The following RNLS variants were observed in gnomAD, a reference collection of about 807,000 sequenced individuals.
RNLS encodes renalase.
RNLS carries 39 observed loss-of-function variants against 39.8 expected under a neutral mutation model. That is an observed-to-expected ratio of 0.98 (90% CI 0.76 to 1.28). The LOEUF (loss-of-function observed/expected upper bound fraction) is 1.28. Among genes scored for constraint, RNLS ranks in the 50% most tolerant of loss-of-function variants. The pLI, the probability that RNLS is intolerant of heterozygous loss-of-function variation, is 0.00. For missense variants in RNLS, 410 were observed against 413.3 expected (o/e 0.99, Z 0.07); for synonymous variants, 147 against 150.7 (o/e 0.98, Z 0.18).
chr10:88,554,300 T>C (rs554692748), intron 4 of RNLS, among the ~76,000 whole-genome samples: 61 of 152,278 alleles, frequency 4.0e-4, no homozygotes, highest in African/African-American at 1.4e-3. Context: ...AAATCTTACA[T>C]GTATGCAGCG....
chr10:88,207,566 C>T, the RNLS span, among the ~76,000 whole-genome samples: 1 of 152,142 alleles, frequency 6.6e-6, no homozygotes, highest in South Asian at 2.1e-4. Context: ...GGGACTCTCA[C>T]ACATTGCTTT....
At chr10:88,413,043 G>T (rs1020356341) in intron 4 of RNLS, among the ~76,000 whole-genome samples, 2 of 152,164 alleles carry the variant, frequency 1.3e-5, no homozygotes, top group Non-Finnish European at 2.9e-5. Flanking sequence ...TCCCTTAAAA[G>T]TGGGAGAGAA....
chr10:88,346,814 G>A (rs192592669), intron 5 of RNLS, among the ~76,000 whole-genome samples: 290 of 152,276 alleles, frequency 1.9e-3, no homozygotes, highest in South Asian at 0.017. Flanking sequence ...TGTGTCACAT[G>A]TGTGATGGAT....
chr10:88,476,618 T>C (rs527898691), intron 4 of RNLS, among the ~76,000 whole-genome samples: 1 of 152,292 alleles, frequency 6.6e-6, no homozygotes, highest in South Asian at 2.1e-4. Flanking sequence ...AACAATCTTG[T>C]AATATTTCAA....
intron 5 of RNLS, among the ~76,000 whole-genome samples, chr10:88,335,627 G>A (rs1312878145): frequency 2.0e-5 from 3 of 152,132 alleles, no homozygotes; most frequent in Non-Finnish European, 4.4e-5. Flanking sequence ...AGCTATATTA[G>A]TTCATTAGAC....
intron 4 of RNLS, among the ~76,000 whole-genome samples, chr10:88,530,605 T>G (rs1379120248): frequency 6.6e-6 from 1 of 152,186 alleles, no homozygotes; most frequent in African/African-American, 2.4e-5. Flanking sequence ...AAAATGCTAT[T>G]TGTTTACAGC....
chr10:88,511,448 G>A (rs540497271), intron 4 of RNLS, among the ~76,000 whole-genome samples: 1 of 152,178 alleles, frequency 6.6e-6, no homozygotes, highest in South Asian at 2.1e-4. Flanking sequence ...GTTCAGTATG[G>A]TGCACTTACT....
intron 4 of RNLS, among the ~76,000 whole-genome samples, chr10:88,521,801 A>G (rs547513911): frequency 6.6e-6 from 1 of 152,208 alleles, no homozygotes; most frequent in Non-Finnish European, 1.5e-5. Context: ...AAAATGACAG[A>G]GAGAATAGAA....
At chr10:88,245,884 C>T in the RNLS span, among the ~76,000 whole-genome samples, 2 of 152,210 alleles carry the variant, frequency 1.3e-5, no homozygotes, top group East Asian at 1.9e-4. Flanking sequence ...TCGAATCCCA[C>T]CATCCTGATG....
chr10:88,488,167 T>C (rs562451717), intron 4 of RNLS, among the ~76,000 whole-genome samples: 3 of 152,252 alleles, frequency 2.0e-5, no homozygotes, highest in African/African-American at 7.2e-5. Flanking sequence ...GTTTCATGAG[T>C]GTATACATAA....
chr10:88,314,740 C>T (rs1383051216), intron 5 of RNLS, 99 bp from the exon 6 acceptor site: 1 of 1,018,894 alleles, frequency 9.8e-7, no homozygotes, highest in Non-Finnish European at 1.4e-6. Context: ...TCACAATAAT[C>T]AAGCAATAAA....
intron 5 of RNLS, among the ~76,000 whole-genome samples, chr10:88,337,996 T>C (rs1847637470): frequency 6.6e-6 from 1 of 152,228 alleles, no homozygotes; most frequent in South Asian, 2.1e-4. Context: ...TTAGAAAGCA[T>C]GACCAAATAA....
At chr10:88,557,303 T>C (rs1343786934) in intron 4 of RNLS, among the ~76,000 whole-genome samples, 2 of 152,170 alleles carry the variant, frequency 1.3e-5, no homozygotes, top group Non-Finnish European at 2.9e-5. Context: ...AATATCTTAC[T>C]CAAACCAACA....
intron 4 of RNLS, among the ~76,000 whole-genome samples, chr10:88,418,602 T>C (rs1468430632): frequency 1.3e-5 from 2 of 152,142 alleles, no homozygotes; most frequent in South Asian, 4.2e-4. Context: ...CCTGAAGAAA[T>C]AGCTAAAAAG....
the RNLS span, among the ~76,000 whole-genome samples, chr10:88,247,659 C>G: frequency 1.3e-5 from 2 of 152,158 alleles, no homozygotes; most frequent in Admixed American, 6.5e-5. Context: ...CCCAAAGATT[C>G]CTATATCCTA....
intron 5 of RNLS, among the ~76,000 whole-genome samples, chr10:88,331,680 G>C (rs1203224466): frequency 6.6e-6 from 1 of 152,182 alleles, no homozygotes; most frequent in East Asian, 1.9e-4. Context: ...CACTGTTTTA[G>C]GGGTGGTGGT....
At chr10:88,383,080 T>G (rs578138566) in intron 4 of RNLS, among the ~76,000 whole-genome samples, 47 of 152,256 alleles carry the variant, frequency 3.1e-4, no homozygotes, top group African/African-American at 1.0e-3. Flanking sequence ...CATGTGTAAT[T>G]GAAACAGTAG....
chr10:88,562,365 AAAAT>A (rs1282923571), intron 4 of RNLS, among the ~76,000 whole-genome samples: 1 of 152,208 alleles, frequency 6.6e-6, no homozygotes, highest in Non-Finnish European at 1.5e-5. Context: ...CTGTTAAATA[AAAAT>A]AAATCAGATG....
chr10:88,318,898 C>G (rs1026560245), intron 5 of RNLS, among the ~76,000 whole-genome samples: 1 of 152,198 alleles, frequency 6.6e-6, no homozygotes, highest in Admixed American at 6.5e-5. Context: ...AAAATCTCCT[C>G]CCCTCTATAT....
Sources: allele counts gnomAD v4.1 joint callset (sites outside exome capture counted in the v4.1 genomes callset), GRCh38; gene constraint gnomAD v4.1.1; transcripts MANE v1.5; gene names NCBI Gene and HGNC (gene_info 2026-07-23, HGNC 2026-07-21).